Variants in ARHGEF38 observed in about 807,000 individuals in gnomAD.
The protein encoded by ARHGEF38 is Rho guanine nucleotide exchange factor 38.
A neutral mutation model predicts 79.9 loss-of-function variants in ARHGEF38; 79 were observed. That is an observed-to-expected ratio of 0.99 (90% CI 0.82 to 1.19). ARHGEF38 has a LOEUF of 1.19. Among genes scored for constraint, ARHGEF38 ranks in the 50% most tolerant of loss-of-function variants. ARHGEF38 has a pLI of 0.00. For missense variants in ARHGEF38, 962 were observed against 907.2 expected (o/e 1.06, Z -0.78); for synonymous variants, 366 against 328.3 (o/e 1.11, Z -1.24).
intron 13 of ARHGEF38, among the ~76,000 whole-genome samples, chr4:105,671,304 C>A (rs553250502): frequency 1.3e-5 from 2 of 152,180 alleles, no homozygotes; most frequent in African/African-American, 4.8e-5. Context: ...GAAGGTGAAC[C>A]CTGTGCAGGG....
At chr4:105,609,420 C>T (rs1472104078) in intron 2 of ARHGEF38, among the ~76,000 whole-genome samples, 1 of 151,840 alleles carries the variant, frequency 6.6e-6, no homozygotes, top group Non-Finnish European at 1.5e-5. Flanking sequence ...TTTGAAGTCA[C>T]TGAAAACTAC....
At chr4:105,574,135 A>G (rs775626166) in intron 1 of ARHGEF38, among the ~76,000 whole-genome samples, 1 of 152,212 alleles carries the variant, frequency 6.6e-6, no homozygotes, top group Non-Finnish European at 1.5e-5. Context: ...TTTTCCACAC[A>G]TGAGATCATA....
intron 1 of ARHGEF38, among the ~76,000 whole-genome samples, chr4:105,578,327 T>A (rs1726603513): frequency 6.6e-6 from 1 of 152,184 alleles, no homozygotes; most frequent in South Asian, 2.1e-4. Flanking sequence ...TATTGAGACT[T>A]GTTTTGTGGC....
At position 105,679,054 on chromosome 4, in the gene ARHGEF38, T is replaced by G. The variant is rs977291143; in HGVS notation, c.*1117T>G. 1.8e-5 allele frequency: 8 copies of G among 437,442 alleles called. No homozygotes were observed. The highest frequency in any genetic ancestry group is 1.0e-4 in the Admixed American group (3 of 28,964). The allele number at this position is 437,442 out of a possible 1,614,324, so 27.1% of individuals were successfully genotyped here. On this transcript the variant is annotated 3_prime_UTR_variant, in exon 14 of 14. Coordinates refer to ENST00000420470, the MANE Select transcript of ARHGEF38 (RefSeq NM_001242729.2). The stretch of plus-strand genomic sequence containing the variant: ...GCTAAATTAACTATCAAATACTCAG[T>G]CAAAACTCCATTTGTGGCCCCCACT...
At chr4:105,631,149 T>C (rs1729174147) in intron 4 of ARHGEF38, 104 bp downstream of exon 4, 3 of 1,381,770 alleles carry the variant, frequency 2.2e-6, no homozygotes, top group East Asian at 2.6e-5. Context: ...CTATGTTTTA[T>C]GAGACTTGCT....
intron 2 of ARHGEF38, among the ~76,000 whole-genome samples, chr4:105,609,514 TA>T (rs1259982463): frequency 6.6e-6 from 1 of 152,078 alleles, no homozygotes; most frequent in African/African-American, 2.4e-5. Context: ...TTAATACTGT[TA>T]AAATATCCAT....
intron 1 of ARHGEF38, among the ~76,000 whole-genome samples, chr4:105,586,018 A>G (rs924202028): frequency 6.6e-6 from 1 of 152,134 alleles, no homozygotes; most frequent in Non-Finnish European, 1.5e-5. Context: ...GGCATGAGCC[A>G]CTGCGCCAGG....
chr4:105,573,082 G>C (rs771705827), intron 1 of ARHGEF38, among the ~76,000 whole-genome samples: 1 of 151,994 alleles, frequency 6.6e-6, no homozygotes, highest in African/African-American at 2.4e-5. Flanking sequence ...TTTTATTCAG[G>C]TTGTTTATTT....
At chr4:105,642,420 A>T (rs1729657466) in intron 5 of ARHGEF38, among the ~76,000 whole-genome samples, 1 of 152,204 alleles carries the variant, frequency 6.6e-6, no homozygotes, top group Admixed American at 6.5e-5. Context: ...CATTTGAAAT[A>T]TAAAAGGGAG....
chr4:105,657,985 C>A (rs1730406325), intron 9 of ARHGEF38, among the ~76,000 whole-genome samples: 1 of 152,078 alleles, frequency 6.6e-6, no homozygotes, highest in East Asian at 1.9e-4. Context: ...TAAAGTAGGG[C>A]AGTCAGCAAA....
chr4:105,553,595 G>GT (rs1208466335), intron 1 of ARHGEF38, among the ~76,000 whole-genome samples: 1 of 152,188 alleles, frequency 6.6e-6, no homozygotes, highest in Admixed American at 6.5e-5. Flanking sequence ...AATAACTTCA[G>GT]TTTATTTTGT....
chr4:105,654,969 AT>A (rs1230545368), intron 8 of ARHGEF38, among the ~76,000 whole-genome samples: 2 of 152,202 alleles, frequency 1.3e-5, no homozygotes, highest in Non-Finnish European at 2.9e-5. Flanking sequence ...TATCAGAATG[AT>A]TTGGAGACAA....
At chr4:105,614,047 A>T (rs192059838) in intron 3 of ARHGEF38, among the ~76,000 whole-genome samples, 1 of 152,004 alleles carries the variant, frequency 6.6e-6, no homozygotes, top group East Asian at 1.9e-4. Flanking sequence ...TGTCAATCAG[A>T]TATATTTATT....
rs186163561 is a variant in ARHGEF38, at chr4:105,598,330, G to C, written c.384+8895G>C. 6.9e-3 allele frequency among the ~76,000 whole-genome samples: 1,055 copies of C among 152,138 alleles called. 14 individuals carry two copies. The highest frequency in any genetic ancestry group is 0.045 in the Admixed American group (692 of 15,258). On this transcript the variant is annotated intron_variant, in intron 2 of 13. Coordinates refer to ENST00000420470, the MANE Select transcript of ARHGEF38 (RefSeq NM_001242729.2). Reference sequence around the variant, plus strand: ...TTAGTGAGTACAGATATCCAAACCAGGCTGATAATTCCAAAGTAAAAGATG... The same window carrying C: ...TTAGTGAGTACAGATATCCAAACCACGCTGATAATTCCAAAGTAAAAGATG...
chr4:105,681,150 C>T (rs926772111), downstream of ARHGEF38, among the ~76,000 whole-genome samples: 2 of 151,966 alleles, frequency 1.3e-5, no homozygotes, highest in Non-Finnish European at 1.5e-5. Flanking sequence ...TCATTATTTA[C>T]ATATAGGGTA....
intron 1 of ARHGEF38, among the ~76,000 whole-genome samples, chr4:105,574,404 A>G (rs1726383466): frequency 6.6e-6 from 1 of 152,112 alleles, no homozygotes; most frequent in Non-Finnish European, 1.5e-5. Flanking sequence ...AAAAAAATTT[A>G]GCCAGGCATG....
chr4:105,662,484 C>T (rs868802561), intron 10 of ARHGEF38, among the ~76,000 whole-genome samples: 8 of 151,964 alleles, frequency 5.3e-5, no homozygotes, highest in Admixed American at 3.9e-4. Flanking sequence ...TATTTTAAGG[C>T]TCCAAATAAA....
intron 7 of ARHGEF38, among the ~76,000 whole-genome samples, chr4:105,651,618 G>C (rs1265078904): frequency 6.6e-6 from 1 of 152,140 alleles, no homozygotes; most frequent in African/African-American, 2.4e-5. Flanking sequence ...GGCATAGTAG[G>C]CTAAGTCAGG....
rs564647211 is a variant in ARHGEF38 at position 105,602,237 on chromosome 4, T to C, written c.385-11147T>C. On this transcript the variant is annotated intron_variant, in intron 2 of 13. Coordinates refer to ENST00000420470, the MANE Select transcript of ARHGEF38 (RefSeq NM_001242729.2). ...AAAATGAGTTAATTCCTTTTGATAG[T>C]AGCAGATGGTCCTTATAAAAATAAA... Among the ~76,000 whole-genome samples, 18 of 152,242 alleles carry C rather than the reference T, an allele frequency of 1.2e-4. No homozygotes were observed. In the South Asian group the frequency reaches 3.7e-3, roughly 32 times the overall value.
Sources: allele counts gnomAD v4.1 joint callset (sites outside exome capture counted in the v4.1 genomes callset), GRCh38; gene constraint gnomAD v4.1.1; transcripts MANE v1.5; gene names NCBI Gene and HGNC (gene_info 2026-07-23, HGNC 2026-07-21).